The following INTS13 variants were observed in gnomAD, a reference collection of about 807,000 sequenced individuals.
INTS13 encodes the protein integrator complex subunit 13.
Under a neutral mutation model 90.2 loss-of-function variants are expected in INTS13, and 35 were observed. The observed-to-expected ratio is 0.39, with a 90% CI of 0.30 to 0.51. The LOEUF is 0.51. Among genes scored for constraint, INTS13 ranks in the 20% least tolerant of loss-of-function variants. The pLI is 0.80. For synonymous variants in INTS13, 309 were observed against 277.1 expected, an observed-to-expected ratio of 1.11 and a Z score of -1.14; for missense variants, 601 against 851.2, an observed-to-expected ratio of 0.71 and a Z score of 3.66.
chr12:26,909,003 T>G (rs188567313), intron 15 of INTS13, among the ~76,000 whole-genome samples: 19 of 152,338 alleles, frequency 1.2e-4, no homozygotes, highest in Admixed American at 1.2e-3. Context: ...TATGTTTATG[T>G]AACCTGCTTT....
intron 11 of INTS13, 142 bp from the exon 12 acceptor site, chr12:26,914,720 C>T (rs971347623): frequency 1.7e-6 from 1 of 577,666 alleles, no homozygotes. Flanking sequence ...CTTAACTCCA[C>T]TACTTTTTTA....
At chr12:26,906,263 C>A in intron 16 of INTS13, 39 bp downstream of exon 16, 1 of 1,565,138 alleles carries the variant, frequency 6.4e-7, no homozygotes, top group South Asian at 1.2e-5. Flanking sequence ...ACTATACAGG[C>A]AATTGACAAA....
intron 8 of INTS13, among the ~76,000 whole-genome samples, chr12:26,918,129 T>A (rs1043459655): frequency 6.6e-6 from 1 of 151,416 alleles, no homozygotes; most frequent in African/African-American, 2.4e-5. Context: ...ATCAAAAAAA[T>A]AAATAAAATA....
At chr12:26,930,023 T>C (rs1367995841) in intron 3 of INTS13, among the ~76,000 whole-genome samples, 3 of 152,206 alleles carry the variant, frequency 2.0e-5, no homozygotes, top group Non-Finnish European at 4.4e-5. Flanking sequence ...TATTTCTATA[T>C]ACTTACAATA....
chr12:26,927,970 C>T (rs770710433), intron 5 of INTS13, among the ~76,000 whole-genome samples: 4 of 152,110 alleles, frequency 2.6e-5, no homozygotes, highest in Non-Finnish European at 5.9e-5. Flanking sequence ...AACAAATACA[C>T]ATTATAAATT....
chr12:26,905,399 G>C lies in INTS13; in HGVS notation c.*98C>G. 1 of 1,103,842 alleles carries C rather than the reference G, an allele frequency of 9.1e-7. No individual in the cohort carries two copies. Among genetic ancestry groups the C allele is most frequent in the South Asian group, 1.4e-5 (1 of 69,262 alleles). 68.4% of individuals were successfully genotyped at this position (1,103,842 alleles called of 1,614,324 possible). On this transcript the variant is annotated 3_prime_UTR_variant, in exon 17 of 17. Transcript: ENST00000261191. ...TTTTAAAAATGTAAAAACCAGTCCA[G>C]GCAACATAACTATACCATCTTGCTG...
At chr12:26,935,522 C>T (rs1475359948) in intron 2 of INTS13, among the ~76,000 whole-genome samples, 2 of 152,148 alleles carry the variant, frequency 1.3e-5, no homozygotes, top group African/African-American at 2.4e-5. Context: ...GTAGATTTAT[C>T]TCTTTTAAAG....
chr12:26,908,601 G>A (rs1951683096), intron 15 of INTS13, among the ~76,000 whole-genome samples: 1 of 151,692 alleles, frequency 6.6e-6, no homozygotes, highest in African/African-American at 2.4e-5. Context: ...AATCTAGATG[G>A]CACATTTGGA....
At chr12:26,937,997 G>GCACACACACACACACACACACACACA (rs149220083), upstream of INTS13, 5 of 151,302 alleles carry the variant, frequency 3.3e-5, no homozygotes, top group African/African-American at 1.2e-4. Context: ...GCGTGCGCGT[G>GCACACACACACACACACACACACACA]CACACACACA....
intron 5 of INTS13, among the ~76,000 whole-genome samples, chr12:26,927,806 G>A (rs1050435002): frequency 2.0e-5 from 3 of 151,924 alleles, no homozygotes; most frequent in Non-Finnish European, 4.4e-5. Context: ...TGTAGAGACG[G>A]GGTTTTGCCA....
Position 26,924,376 on chromosome 12 carries a change from A to G in INTS13, c.783T>C (p.Thr261=), listed in dbSNP as rs772448002. The G allele has an allele frequency of 2.5e-6, 4 of 1,612,642 alleles. No homozygotes were observed. The highest frequency in any genetic ancestry group is 3.4e-6 in the Non-Finnish European group (4 of 1,179,194). The change falls in exon 7 of 17, where the codon ACT becomes ACC. Residue 261 remains threonine (T), a synonymous_variant. Transcript: ENST00000261191. The part of the protein sequence containing the change: ...VQQHFDLAST[T]ITNIPMKEEQ... ...CTACCTTCATTGGAATATTTGTAAT[A>G]GTAGTTGAAGCCAAGTCAAAATGTT...
At chr12:26,928,169 A>G (rs1156424627) in intron 5 of INTS13, 36 bp downstream of exon 5, 3 of 1,445,724 alleles carry the variant, frequency 2.1e-6, no homozygotes, top group Non-Finnish European at 2.9e-6. Flanking sequence ...ATCTATCCAC[A>G]TGAACATATT....
At chr12:26,934,926 T>G (rs1938383316) in intron 2 of INTS13, among the ~76,000 whole-genome samples, 1 of 152,068 alleles carries the variant, frequency 6.6e-6, no homozygotes. Context: ...ACAAGATAAT[T>G]TCAGAGAGTG....
At chr12:26,915,226 C>G (rs1565821859) in intron 11 of INTS13, among the ~76,000 whole-genome samples, 1 of 151,902 alleles carries the variant, frequency 6.6e-6, no homozygotes, top group African/African-American at 2.4e-5. Context: ...AACTCTGTCT[C>G]AAAACAAACA....
At chr12:26,920,404 T>C (rs1592213653) in intron 8 of INTS13, among the ~76,000 whole-genome samples, 1 of 33,588 alleles carries the variant, frequency 3.0e-5, no homozygotes. Context: ...TTTTTGACAC[T>C]TTTTTTTTTT....
chr12:26,905,535 T>A lies in INTS13; in HGVS notation c.2083A>T (p.Met695Leu), dbSNP rs762666744. The change falls in exon 17 of 17, where the codon ATG becomes TTG. Residue 695 changes from methionine to leucine, a missense_variant and splice_region_variant. Coordinates refer to ENST00000261191, the MANE Select transcript of INTS13 (RefSeq NM_018164.3). The part of the protein sequence containing the change: ...LYQHLKEENG[M>L]ETTENGKASR... ...GCTTTTCCATTTTCTGTTGTCTCCA[T>A]CCTGAAATAGGAAGAAAAAAACGAG... 54 of 1,611,710 alleles carry A rather than the reference T, an allele frequency of 3.4e-5. No individual in the cohort carries two copies. Among genetic ancestry groups the A allele is most frequent in the Non-Finnish European group, 4.5e-5 (53 of 1,179,146 alleles).
Position 26,928,691 on chromosome 12 carries a change from T to A in INTS13, c.503+12A>T. 4 of 1,612,856 alleles carry A rather than the reference T, an allele frequency of 2.5e-6. No individual in the cohort carries two copies. The highest frequency in any genetic ancestry group is 3.4e-6 in the Non-Finnish European group (4 of 1,179,630). On this transcript the variant is annotated intron_variant, in intron 4 of 16. Transcript: ENST00000261191. ...TCCCACAGTGAAAGAATTGCTATAATCAACACCTCACCTTTTTGCATTAGT... is the reference window on the plus strand; with the variant it reads ...TCCCACAGTGAAAGAATTGCTATAAACAACACCTCACCTTTTTGCATTAGT...
At chr12:26,912,037 T>C (rs960698812) in intron 14 of INTS13, among the ~76,000 whole-genome samples, 5 of 152,216 alleles carry the variant, frequency 3.3e-5, no homozygotes, top group Non-Finnish European at 5.9e-5. Flanking sequence ...TGGATGAAGA[T>C]ATATATGAAA....
At chr12:26,936,904 G>C (rs1938492563) in intron 1 of INTS13, 90 bp from the exon 2 acceptor site, 1 of 846,298 alleles carries the variant, frequency 1.2e-6, no homozygotes, top group Non-Finnish European at 1.8e-6. Flanking sequence ...TTTCCCTCAA[G>C]AAGACTTGGT....
Sources: gnomAD v4.1 joint callset for allele counts (sites outside exome capture counted in the v4.1 genomes callset) on GRCh38, gnomAD v4.1.1 for gene constraint, MANE v1.5 for transcripts, NCBI Gene and HGNC (gene_info 2026-07-23, HGNC 2026-07-21) for gene names.